SEMA3E: variants seen among roughly 807,000 people sequenced by gnomAD.
SEMA3E encodes semaphorin 3E.
A neutral mutation model predicts 93.6 loss-of-function variants in SEMA3E; 49 were observed. The observed-to-expected ratio is 0.52, with a 90% CI of 0.42 to 0.66. The LOEUF (loss-of-function observed/expected upper bound fraction) is 0.66. Ranked by LOEUF, SEMA3E falls within the 30% of genes least tolerant of loss-of-function variation. SEMA3E has a pLI of 0.00. For synonymous variants in SEMA3E, 363 were observed against 330.7 expected, an observed-to-expected ratio of 1.10 and a Z score of -1.06; for missense variants, 906 against 964.8, an observed-to-expected ratio of 0.94 and a Z score of 0.81.
intron 1 of SEMA3E, among the ~76,000 whole-genome samples, chr7:83,561,800 G>T (rs1428763889): frequency 6.6e-6 from 1 of 152,034 alleles, no homozygotes; most frequent in Non-Finnish European, 1.5e-5. Flanking sequence ...CACATCAATA[G>T]CATCACTAAT....
intron 1 of SEMA3E, among the ~76,000 whole-genome samples, chr7:83,589,009 A>C (rs965284552): frequency 3.3e-5 from 5 of 152,134 alleles, no homozygotes; most frequent in African/African-American, 9.7e-5. Flanking sequence ...TGGACTGCTC[A>C]CTAAGCTGAA....
rs1187606706 is a variant in SEMA3E, at chr7:83,473,386, AGTTT to A, written c.277-4088_277-4085del. Among the ~76,000 whole-genome samples the A allele has an allele frequency of 3.9e-5, 6 of 152,238 alleles. No homozygotes were observed. In the East Asian group the frequency reaches 5.8e-4, roughly 15 times the overall value. ...GACAGACTCTTCTCCTGTCTACAGC[AGTTT>A]GTTTGTTCCCTTAAAGTCTCTATTA... On this transcript the variant is annotated intron_variant, in intron 2 of 16. Coordinates refer to ENST00000643230, the MANE Select transcript of SEMA3E (RefSeq NM_012431.3).
intron 1 of SEMA3E, among the ~76,000 whole-genome samples, chr7:83,611,444 G>A (rs1052317009): frequency 6.9e-6 from 1 of 144,878 alleles, no homozygotes; most frequent in East Asian, 2.0e-4. Context: ...TATGCTATAG[G>A]TCACTCATCT....
At chr7:83,410,352 A>C (rs906742412) in intron 5 of SEMA3E, among the ~76,000 whole-genome samples, 1 of 152,006 alleles carries the variant, frequency 6.6e-6, no homozygotes, top group Non-Finnish European at 1.5e-5. Flanking sequence ...GTTTTTAAAA[A>C]GATATATTTG....
intron 1 of SEMA3E, among the ~76,000 whole-genome samples, chr7:83,501,644 G>A (rs1199234669): frequency 2.0e-5 from 3 of 151,902 alleles, no homozygotes; most frequent in Non-Finnish European, 2.9e-5. Flanking sequence ...GCAGAAACAG[G>A]GTATTATTGC....
chr7:83,545,103 T>A (rs1239356109), intron 1 of SEMA3E, among the ~76,000 whole-genome samples: 1 of 152,048 alleles, frequency 6.6e-6, no homozygotes, highest in African/African-American at 2.4e-5. Flanking sequence ...ATCAGAAAGT[T>A]AGCTATTACT....
At chr7:83,470,703 T>C (rs1789872501) in intron 2 of SEMA3E, among the ~76,000 whole-genome samples, 1 of 152,154 alleles carries the variant, frequency 6.6e-6, no homozygotes, top group African/African-American at 2.4e-5. Context: ...GTGCATATAT[T>C]TCTAATTTAT....
At chr7:83,428,766 AAT>A (rs1421883929) in intron 4 of SEMA3E, among the ~76,000 whole-genome samples, 12 of 152,196 alleles carry the variant, frequency 7.9e-5, no homozygotes, top group Admixed American at 7.2e-4. Context: ...CTAAAAAAGT[AAT>A]ATATTTGTAT....
intron 1 of SEMA3E, among the ~76,000 whole-genome samples, chr7:83,603,056 C>A (rs371179922): frequency 6.6e-6 from 1 of 151,960 alleles, no homozygotes; most frequent in Non-Finnish European, 1.5e-5. Flanking sequence ...TTGCTTTATG[C>A]GTAGGTCCAA....
chr7:83,523,749 C>T (rs1370670692), intron 1 of SEMA3E, among the ~76,000 whole-genome samples: 1 of 151,964 alleles, frequency 6.6e-6, no homozygotes, highest in African/African-American at 2.4e-5. Flanking sequence ...CCTTTGGTGT[C>T]CATACATTGT....
At chr7:83,434,686 T>C (rs1355031296) in intron 4 of SEMA3E, among the ~76,000 whole-genome samples, 2 of 151,356 alleles carry the variant, frequency 1.3e-5, no homozygotes, top group African/African-American at 4.9e-5. Context: ...TGAGGATAGA[T>C]TTATTTATCC....
intron 1 of SEMA3E, among the ~76,000 whole-genome samples, chr7:83,492,264 G>C (rs1790401717): frequency 6.6e-6 from 1 of 151,912 alleles, no homozygotes; most frequent in South Asian, 2.1e-4. Context: ...ATTTTAGTAA[G>C]AGGCAGCCCA....
chr7:83,529,952 T>G (rs1427169280), intron 1 of SEMA3E, among the ~76,000 whole-genome samples: 1 of 152,114 alleles, frequency 6.6e-6, no homozygotes, highest in East Asian at 1.9e-4. Flanking sequence ...AATCTAAAAA[T>G]TATTACATAA....
intron 1 of SEMA3E, among the ~76,000 whole-genome samples, chr7:83,523,055 G>C (rs1031385983): frequency 5.3e-5 from 8 of 152,084 alleles, no homozygotes; most frequent in Admixed American, 4.6e-4. Context: ...GCATAAGAAC[G>C]GGGTGAATCC....
At chr7:83,489,485 C>T (rs976418688) in intron 2 of SEMA3E, among the ~76,000 whole-genome samples, 3 of 151,736 alleles carry the variant, frequency 2.0e-5, no homozygotes, top group East Asian at 3.9e-4. Flanking sequence ...ATAATACATG[C>T]ACTTATGCCA....
In SEMA3E at chr7:83,639,125, AAAAAAAAAAAAAAAAC is replaced by A. The variant is rs1334017943; in HGVS notation, c.115+9287_115+9302del. 5.8e-5 allele frequency among the ~76,000 whole-genome samples: 8 copies of A among 137,918 alleles called. 1 individual carries two copies. The highest frequency in any genetic ancestry group is 3.6e-3 in the Middle Eastern group (1 of 278). 90.5% of individuals were successfully genotyped at this position (137,918 alleles called of 152,430 possible). A position where few individuals can be genotyped will look rare whatever the true frequency, so the allele number is the denominator to read the frequency against. On this transcript the variant is annotated intron_variant, in intron 1 of 16. Transcript: ENST00000643230. ...GACTCCGTCTCAAAAAAAAAAAAAA[AAAAAAAAAAAAAAAAC>A]AGAGATTCCTGAGCCTCAGAATTAT...
At chr7:83,644,397 G>A (rs73708517) in intron 1 of SEMA3E, among the ~76,000 whole-genome samples, 29,620 of 151,746 alleles carry the variant, frequency 0.2, 3,606 homozygotes, top group African/African-American at 0.34. Flanking sequence ...CCTAGCACTT[G>A]TTGAAATATA....
intron 2 of SEMA3E, among the ~76,000 whole-genome samples, chr7:83,475,925 G>C (rs957173050): frequency 1.6e-4 from 25 of 152,126 alleles, no homozygotes; most frequent in Admixed American, 1.6e-3. Context: ...ATTTCCCAAA[G>C]AGTTTCACAA....
intron 9 of SEMA3E, among the ~76,000 whole-genome samples, chr7:83,404,208 G>T (rs1788285395): frequency 6.6e-6 from 1 of 151,848 alleles, no homozygotes; most frequent in South Asian, 2.1e-4. Context: ...TTTGCATCAA[G>T]GAATAATTGA....
Sources: gnomAD v4.1 joint callset for allele counts (sites outside exome capture counted in the v4.1 genomes callset) on GRCh38, gnomAD v4.1.1 for gene constraint, MANE v1.5 for transcripts, NCBI Gene and HGNC (gene_info 2026-07-23, HGNC 2026-07-21) for gene names.